The following ZFP64 variants were observed in gnomAD, a reference collection of about 807,000 sequenced individuals.
ZFP64 encodes zinc finger protein 64.
ZFP64 carries 14 observed loss-of-function variants against 51.6 expected under a neutral mutation model. That is an observed-to-expected ratio of 0.27 (90% CI 0.18 to 0.42). The LOEUF is 0.42. ZFP64 is among the 10% of genes least tolerant of loss of function. The pLI, the probability that ZFP64 is intolerant of heterozygous loss-of-function variation, is 1.00. For synonymous variants in ZFP64, 375 were observed against 361.4 expected (o/e 1.04, Z -0.43); for missense variants, 754 against 906.8 (o/e 0.83, Z 2.16).
intron 4 of ZFP64, among the ~76,000 whole-genome samples, chr20:52,163,357 G>A (rs1277517840): frequency 4.6e-5 from 7 of 152,108 alleles, no homozygotes; most frequent in African/African-American, 9.6e-5. Context: ...GCGAAACTCC[G>A]TCTCAAAAAA....
At chr20:52,137,720 C>A (rs6096790) in intron 5 of ZFP64, among the ~76,000 whole-genome samples, 26,730 of 152,060 alleles carry the variant, frequency 0.18, 2,476 homozygotes, top group Non-Finnish European at 0.2. Context: ...ACTTATAAGT[C>A]ATCTCAGCAA....
chr20:52,184,549 C>T (rs1049849941), intron 2 of ZFP64, among the ~76,000 whole-genome samples: 1 of 152,214 alleles, frequency 6.6e-6, no homozygotes, highest in African/African-American at 2.4e-5. Flanking sequence ...TGACTACACA[C>T]AGATCCAACT....
chr20:52,105,073 G>A (rs1422737303), intron 5 of ZFP64: 6 of 1,403,500 alleles, frequency 4.3e-6, no homozygotes, highest in Admixed American at 3.3e-5. Flanking sequence ...GCGCGGGTCC[G>A]GAGAACCTCT....
intron 5 of ZFP64, among the ~76,000 whole-genome samples, chr20:52,117,358 C>A (rs951200011): frequency 6.6e-6 from 1 of 152,122 alleles, no homozygotes; most frequent in African/African-American, 2.4e-5. Context: ...GTGGCTCACA[C>A]CTGTAGTCCC....
rs1483288785 is a variant in ZFP64 at position 52,085,348 on chromosome 20, C to T, written c.1229-82G>A. 14 of 1,418,816 alleles carry T rather than the reference C, an allele frequency of 9.9e-6. No individual in the cohort carries two copies. The highest frequency in any genetic ancestry group is 1.4e-5 in the South Asian group (1 of 70,610). The allele number at this position is 1,418,816 out of a possible 1,614,324, so 87.9% of individuals were successfully genotyped here. On this transcript the variant is annotated intron_variant, in intron 8 of 8. Coordinates refer to the ZFP64 transcript ENST00000361387. The surrounding 1 kb of genome is among the most constrained non-coding windows in gnomAD (Gnocchi z 4.3). Reference sequence around the variant, plus strand: ...CCCAACCTGCCTTAGCACACTTGGCCGCCATGAGATGGTTGGGTTTTGTGA... The same window carrying T: ...CCCAACCTGCCTTAGCACACTTGGCTGCCATGAGATGGTTGGGTTTTGTGA...
intron 5 of ZFP64, among the ~76,000 whole-genome samples, chr20:52,137,085 A>G (rs1222942470): frequency 6.6e-6 from 1 of 152,200 alleles, no homozygotes; most frequent in Non-Finnish European, 1.5e-5. Flanking sequence ...TTTGATATTG[A>G]AGAAATGTCT....
intron 7 of ZFP64, among the ~76,000 whole-genome samples, chr20:52,090,594 T>A (rs573075671): frequency 4.5e-4 from 68 of 151,452 alleles, no homozygotes; most frequent in African/African-American, 1.1e-3. Context: ...AAGTCAGGAG[T>A]TCGAGACCAG....
intron 5 of ZFP64, among the ~76,000 whole-genome samples, chr20:52,122,090 C>A (rs1303877499): frequency 6.6e-6 from 1 of 152,182 alleles, no homozygotes; most frequent in Non-Finnish European, 1.5e-5. Context: ...TGCTCATTGA[C>A]AATGCACCTA....
intron 5 of ZFP64, among the ~76,000 whole-genome samples, chr20:52,120,610 A>C (rs1600725931): frequency 7.1e-6 from 1 of 139,974 alleles, no homozygotes; most frequent in Non-Finnish European, 1.5e-5. Flanking sequence ...TGCTGAGATA[A>C]TTCTTGTAAT....
At chr20:52,159,403 C>T (rs544593637) in intron 5 of ZFP64, among the ~76,000 whole-genome samples, 5 of 152,270 alleles carry the variant, frequency 3.3e-5, no homozygotes, top group South Asian at 2.1e-4. Context: ...ATGGCTTATA[C>T]GTGTATTTCA....
chr20:52,146,164 A>G (rs1173601271), intron 5 of ZFP64, among the ~76,000 whole-genome samples: 2 of 152,134 alleles, frequency 1.3e-5, no homozygotes. Context: ...TAGGCAATAG[A>G]AATGTTTCAG....
intron 7 of ZFP64, among the ~76,000 whole-genome samples, chr20:52,094,191 T>C (rs749757151): frequency 2.0e-5 from 3 of 152,076 alleles, no homozygotes; most frequent in South Asian, 2.1e-4. Flanking sequence ...GTCACTGAGG[T>C]TGACAGTGCT....
At chr20:52,142,372 A>ACGCG in intron 5 of ZFP64, among the ~76,000 whole-genome samples, 1 of 103,400 alleles carries the variant, frequency 9.7e-6, no homozygotes. Flanking sequence ...CATCACACAC[A>ACGCG]CACAGACACA....
chr20:52,144,092 T>C lies in ZFP64; in HGVS notation c.763+16031A>G, dbSNP rs1372083810. On this transcript the variant is annotated intron_variant, in intron 5 of 8. Coordinates refer to the ZFP64 transcript ENST00000361387. ...TTCCCCCTTTAATTAATGAATTAAA[T>C]ACTTGACGTGTTAATCTTATATTTG... Among the ~76,000 whole-genome samples the C allele has an allele frequency of 2.0e-5, 2 of 101,886 alleles. 1 individual carries two copies. Among genetic ancestry groups the C allele is most frequent in the East Asian group, 5.3e-4 (2 of 3,744 alleles). 66.8% of individuals were successfully genotyped at this position (101,886 alleles called of 152,430 possible).
At chr20:52,154,262 T>C (rs781196592) in intron 5 of ZFP64, among the ~76,000 whole-genome samples, 3 of 152,202 alleles carry the variant, frequency 2.0e-5, no homozygotes, top group Non-Finnish European at 2.9e-5. Context: ...GGCGCTATGC[T>C]GAGCACTCCA....
At chr20:52,180,411 T>C (rs1983531300) in intron 2 of ZFP64, among the ~76,000 whole-genome samples, 1 of 152,190 alleles carries the variant, frequency 6.6e-6, no homozygotes, top group African/African-American at 2.4e-5. Flanking sequence ...ACTAATTAGT[T>C]ACAATTGTGA....
chr20:52,179,832 G>A (rs531619123), intron 2 of ZFP64, among the ~76,000 whole-genome samples: 1 of 152,314 alleles, frequency 6.6e-6, no homozygotes, highest in Admixed American at 6.5e-5. Context: ...ACCTCCATCA[G>A]AGGCACCAGC....
At chr20:52,138,310 C>G (rs1365532764) in intron 5 of ZFP64, among the ~76,000 whole-genome samples, 1 of 151,506 alleles carries the variant, frequency 6.6e-6, no homozygotes, top group Non-Finnish European at 1.5e-5. Context: ...AGGAGAAAAC[C>G]ACAAACTTTA....
At chr20:52,168,422 C>G (rs1225644663) in intron 2 of ZFP64, among the ~76,000 whole-genome samples, 1 of 152,150 alleles carries the variant, frequency 6.6e-6, no homozygotes, top group Admixed American at 6.5e-5. Context: ...AAGCATGGTC[C>G]CCAGACAGCA....
Sources: gnomAD v4.1 joint callset for allele counts (sites outside exome capture counted in the v4.1 genomes callset) on GRCh38, gnomAD v4.1.1 for gene constraint, Gnocchi (gnomAD v3.1) non-coding constraint, MANE v1.5 for transcripts, NCBI Gene and HGNC (gene_info 2026-07-23, HGNC 2026-07-21) for gene names.